The following CELF2 variants were observed in gnomAD, a reference collection of about 807,000 sequenced individuals.
CELF2 encodes the protein CUG triplet repeat RNA-binding protein 2.
In CELF2, 8 loss-of-function variants were observed where a neutral mutation model predicts 62.6. The ratio of observed to expected loss-of-function variants is 0.13; its 90% CI spans 0.07 to 0.23. The LOEUF (loss-of-function observed/expected upper bound fraction) is 0.23, where lower values mean the gene tolerates loss of function less well. Ranked by LOEUF, CELF2 falls within the 10% of genes least tolerant of loss-of-function variation. The probability of loss-of-function intolerance (pLI) is 1.00; values close to 1 mark genes in which losing one functional copy is unlikely to be tolerated. For missense variants in CELF2, 333 were observed against 671.0 expected (o/e 0.50, Z 5.56); for synonymous variants, 258 against 250.0 (o/e 1.03, Z -0.30).
chr10:10,469,688 T>TTAAA, the CELF2 span, among the ~76,000 whole-genome samples: 1 of 151,952 alleles, frequency 6.6e-6, no homozygotes, highest in Admixed American at 6.6e-5. Flanking sequence ...CTTCCTTCTC[T>TTAAA]GTTTTATGCA....
chr10:10,468,715 T>C, the CELF2 span, among the ~76,000 whole-genome samples: 1 of 152,044 alleles, frequency 6.6e-6, no homozygotes, highest in Non-Finnish European at 1.5e-5. Context: ...CATCTGCTGC[T>C]GTGGGTTTCA....
In CELF2 at chr10:11,333,784, T is replaced by C. The variant is rs1374425944; in HGVS notation, c.*4731T>C. The C allele has an allele frequency of 6.6e-6, 1 of 152,556 alleles. No homozygotes were observed. The highest frequency in any genetic ancestry group is 1.5e-5 in the Non-Finnish European group (1 of 68,012). 9.5% of individuals were successfully genotyped at this position (152,556 alleles called of 1,614,324 possible). A position where few individuals can be genotyped will look rare whatever the true frequency, so the allele number is the denominator to read the frequency against. ...GTTTTATTGATGCATTTGGATTTTG[T>C]TGTTTGATGGAATTTGAGCCAAAAA... On this transcript the variant is annotated 3_prime_UTR_variant, in exon 13 of 13. Transcript: ENST00000633077.
intron 1 of CELF2, among the ~76,000 whole-genome samples, chr10:10,885,729 A>G (rs1209184698): frequency 2.6e-5 from 4 of 152,174 alleles, no homozygotes; most frequent in Admixed American, 1.3e-4. Context: ...GAAAGAATTC[A>G]TTGATGTGCC....
At chr10:10,682,929 A>G in the CELF2 span, among the ~76,000 whole-genome samples, 1 of 152,164 alleles carries the variant, frequency 6.6e-6, no homozygotes, top group Non-Finnish European at 1.5e-5. Context: ...AGTCAGCTGT[A>G]TATGAACTCC....
intron 3 of CELF2, among the ~76,000 whole-genome samples, chr10:11,241,417 C>A (rs1216465358): frequency 6.6e-6 from 1 of 152,188 alleles, no homozygotes; most frequent in Non-Finnish European, 1.5e-5. Context: ...CTAGGCTGGT[C>A]TCAACCTCCT....
rs989448905 is a variant in CELF2, at chr10:11,159,586, A to C, written c.75-5900A>C. Among the ~76,000 whole-genome samples the C allele has an allele frequency of 1.3e-5, 2 of 152,144 alleles. No homozygotes were observed. The highest frequency in any genetic ancestry group is 4.8e-5 in the African/African-American group (2 of 41,414). ...AGTGTGGGAAGGAGCTGATGCTGAG[A>C]CCTTAGTTGCCCCACTGCCAGTCTG... On this transcript the variant is annotated intron_variant, in intron 1 of 12. Coordinates refer to ENST00000633077, the MANE Select transcript of CELF2 (RefSeq NM_001326342.2). The surrounding 1 kb of genome is among the most constrained non-coding windows in gnomAD (Gnocchi z 5.0).
chr10:11,055,374 C>G (rs2140230965), intron 1 of CELF2, among the ~76,000 whole-genome samples: 1 of 152,292 alleles, frequency 6.6e-6, no homozygotes, highest in East Asian at 1.9e-4. Context: ...GGATCAGATT[C>G]CTGTGTTTCT....
At chr10:10,547,245 C>T in the CELF2 span, among the ~76,000 whole-genome samples, 1 of 152,164 alleles carries the variant, frequency 6.6e-6, no homozygotes, top group Non-Finnish European at 1.5e-5. Flanking sequence ...ACAAATTCCT[C>T]ACTATTGTGC....
At chr10:11,274,460 A>G (rs896277643) in intron 7 of CELF2, among the ~76,000 whole-genome samples, 3 of 152,262 alleles carry the variant, frequency 2.0e-5, no homozygotes, top group Non-Finnish European at 4.4e-5. Flanking sequence ...TTCGATGTAC[A>G]TAGCACCAGA....
upstream of CELF2, chr10:10,796,943 C>A (rs182780675): frequency 3.8e-3 from 3,658 of 963,058 alleles, 8 homozygotes; most frequent in Non-Finnish European, 4.4e-3. Context: ...GAGACAGTTG[C>A]ACTTCTGAAG....
chr10:10,583,805 C>G, the CELF2 span, among the ~76,000 whole-genome samples: 1 of 152,028 alleles, frequency 6.6e-6, no homozygotes, highest in African/African-American at 2.4e-5. Context: ...GTGGAAGATA[C>G]CAGGAGATGT....
chr10:11,261,977 A>G (rs1057290082), intron 5 of CELF2, among the ~76,000 whole-genome samples: 5 of 152,024 alleles, frequency 3.3e-5, no homozygotes, highest in African/African-American at 1.2e-4. Context: ...CTATTTAGGT[A>G]CAGGGTTTTC....
At chr10:11,196,617 C>T (rs1187104630) in intron 2 of CELF2, among the ~76,000 whole-genome samples, 2 of 151,878 alleles carry the variant, frequency 1.3e-5, no homozygotes, top group Non-Finnish European at 2.9e-5. Context: ...TACTGCACTC[C>T]AGCCTGGCAA....
intron 2 of CELF2, among the ~76,000 whole-genome samples, chr10:11,201,050 T>G (rs2059110584): frequency 6.6e-6 from 1 of 152,254 alleles, no homozygotes; most frequent in Non-Finnish European, 1.5e-5. Flanking sequence ...TTTGTCTACC[T>G]GACTTCTCTA....
chr10:10,536,465 A>ACC, the CELF2 span, among the ~76,000 whole-genome samples: 9 of 152,230 alleles, frequency 5.9e-5, no homozygotes, highest in Admixed American at 5.9e-4. Flanking sequence ...GTCAGCAAAT[A>ACC]TTCCTTCTTT....
chr10:11,324,536 C>T lies in CELF2; in HGVS notation c.1295-1300C>T, dbSNP rs920803482. Among the ~76,000 whole-genome samples, 1 of 152,168 alleles carries T rather than the reference C, an allele frequency of 6.6e-6. No homozygotes were observed. The highest frequency in any genetic ancestry group is 1.5e-5 in the Non-Finnish European group (1 of 68,034). On this transcript the variant is annotated intron_variant, in intron 11 of 12. Transcript: ENST00000633077. The surrounding 1 kb of genome is among the most constrained non-coding windows in gnomAD (Gnocchi z 4.7). ...ATACGGATATATCCCAGGAAATTGG[C>T]AGCAATATGGAAAGTTACAGTAGTC...
intron 1 of CELF2, among the ~76,000 whole-genome samples, chr10:10,891,119 C>T (rs373140589): frequency 7.2e-5 from 11 of 152,038 alleles, no homozygotes; most frequent in Admixed American, 1.3e-4. Flanking sequence ...TATTTCCAGA[C>T]GATTAGACAT....
In CELF2 at chr10:11,130,249, A is replaced by T. The variant is rs555882979; in HGVS notation, c.75-35237A>T. ...TGTGGTCTGAGAAACAGTTTGTTGT[A>T]ATTTCTGTTTAAACCATTCATTCAG... On this transcript the variant is annotated intron_variant, in intron 1 of 12. Coordinates refer to ENST00000633077, the MANE Select transcript of CELF2 (RefSeq NM_001326342.2). Among the ~76,000 whole-genome samples the T allele has an allele frequency of 1.6e-4, 25 of 152,266 alleles. 1 individual carries two copies. The East Asian group carries it at 4.6e-3, about 28-fold the overall frequency.
chr10:10,521,280 A>G, the CELF2 span, among the ~76,000 whole-genome samples: 1 of 152,162 alleles, frequency 6.6e-6, no homozygotes, highest in African/African-American at 2.4e-5. Context: ...TCCTGGAAGT[A>G]CCATATTCCA....
Sources: allele counts gnomAD v4.1 joint callset (sites outside exome capture counted in the v4.1 genomes callset), GRCh38; gene constraint gnomAD v4.1.1; non-coding constraint Gnocchi (gnomAD v3.1); transcripts MANE v1.5; gene names NCBI Gene and HGNC (gene_info 2026-07-23, HGNC 2026-07-21).